The following RIPOR2 variants were observed in gnomAD, a reference collection of about 807,000 sequenced individuals.
RIPOR2 encodes the protein RHO family interacting cell polarization regulator 2.
A neutral mutation model predicts 114.5 loss-of-function variants in RIPOR2; 39 were observed. That is an observed-to-expected ratio of 0.34 (90% confidence interval 0.26 to 0.44). The LOEUF (loss-of-function observed/expected upper bound fraction) is 0.44, where lower values mean the gene tolerates loss of function less well. Among genes scored for constraint, RIPOR2 ranks in the 20% least tolerant of loss-of-function variants. The pLI, the probability that RIPOR2 is intolerant of heterozygous loss-of-function variation, is 1.00. For missense variants in RIPOR2, 1,007 were observed against 1,255.1 expected (o/e 0.80, Z 2.99); for synonymous variants, 445 against 484.4 (o/e 0.92, Z 1.07).
chr6:25,006,831 ACTCTTT>A (rs1487586539), intron 1 of RIPOR2, among the ~76,000 whole-genome samples: 2 of 152,164 alleles, frequency 1.3e-5, no homozygotes, highest in African/African-American at 4.8e-5. Flanking sequence ...GGAAACATGC[ACTCTTT>A]TCAGCTGCCA....
At chr6:24,912,894 T>C (rs764418667) in intron 1 of RIPOR2, among the ~76,000 whole-genome samples, 1 of 152,204 alleles carries the variant, frequency 6.6e-6, no homozygotes, top group Non-Finnish European at 1.5e-5. Context: ...AGGTACTTTA[T>C]AGATATTATC....
chr6:24,924,208 A>G (rs1355983971), intron 1 of RIPOR2, among the ~76,000 whole-genome samples: 1 of 152,112 alleles, frequency 6.6e-6, no homozygotes, highest in Non-Finnish European at 1.5e-5. Context: ...TTTCTTTGGG[A>G]TATGCTCCCT....
chr6:24,920,140 G>C (rs1446461140), intron 1 of RIPOR2, among the ~76,000 whole-genome samples: 1 of 152,222 alleles, frequency 6.6e-6, no homozygotes, highest in Admixed American at 6.5e-5. Context: ...GACTGATGGA[G>C]ACAGATAAAT....
chr6:24,826,846 A>C (rs536163819), intron 18 of RIPOR2, among the ~76,000 whole-genome samples: 9 of 152,302 alleles, frequency 5.9e-5, no homozygotes, highest in African/African-American at 2.2e-4. Context: ...AATGCATTCA[A>C]TTTAAAAAGT....
At chr6:24,941,108 T>C (rs1034774423) in intron 1 of RIPOR2, among the ~76,000 whole-genome samples, 1 of 152,252 alleles carries the variant, frequency 6.6e-6, no homozygotes, top group Non-Finnish European at 1.5e-5. Flanking sequence ...AGGCGCATCA[T>C]TAGGCTGCAG....
intron 1 of RIPOR2, chr6:24,976,278 C>A (rs927716146): frequency 1.6e-6 from 1 of 629,560 alleles, no homozygotes; most frequent in Non-Finnish European, 2.8e-6. Flanking sequence ...TATATTAGAA[C>A]GTATATATGC....
chr6:24,951,096 G>C (rs1365981807), intron 1 of RIPOR2, among the ~76,000 whole-genome samples: 1 of 152,212 alleles, frequency 6.6e-6, no homozygotes, highest in African/African-American at 2.4e-5. Flanking sequence ...AGAGCGATCA[G>C]AGACTTTAGA....
chr6:24,830,067 G>A (rs1760537319), intron 17 of RIPOR2, among the ~76,000 whole-genome samples: 1 of 152,192 alleles, frequency 6.6e-6, no homozygotes, highest in African/African-American at 2.4e-5. Context: ...CCAGGTTCAA[G>A]CGATTCTCCT....
At position 25,036,911 on chromosome 6, in the gene RIPOR2, G is replaced by C. The variant is rs996981372; in HGVS notation, c.76+4940C>G. On this transcript the variant is annotated intron_variant, in intron 1 of 13. Transcript: ENST00000510784. ...TGTGGTGTAAGCCAGCTGAATGTGA[G>C]GGTAGGGTGCCTGGCTGAGGAAGAT... 2.0e-5 allele frequency among the ~76,000 whole-genome samples: 3 copies of C among 152,140 alleles called. No homozygotes were observed. In the East Asian group the frequency reaches 5.8e-4, roughly 29 times the overall value.
Position 24,842,887 on chromosome 6 carries a change from A to G in RIPOR2, c.1832T>C (p.Val611Ala). 6.9e-7 allele frequency: 1 copy of G among 1,446,910 alleles called. No homozygotes were observed. 89.6% of individuals were successfully genotyped at this position (1,446,910 alleles called of 1,614,324 possible). A position where few individuals can be genotyped will look rare whatever the true frequency, so the allele number is the denominator to read the frequency against. The change falls in exon 13 of 22, where the codon GTC (valine) becomes GCC (alanine). Residue 611 changes from valine (V) to alanine (A), a missense_variant. Transcript: ENST00000643898. ...YKEFQDLNQE[V>A]MNLDDILKCK... is the part of the protein sequence containing the mutation. ...TTTTAGAATATCATCCAAATTCATGACTTCTTGGTTCAGATCCTGAAACTC... is the reference window on the plus strand; with the variant it reads ...TTTTAGAATATCATCCAAATTCATGGCTTCTTGGTTCAGATCCTGAAACTC...
intron 1 of RIPOR2, among the ~76,000 whole-genome samples, chr6:24,882,607 T>C (rs982280276): frequency 5.3e-5 from 8 of 152,178 alleles, no homozygotes; most frequent in Non-Finnish European, 1.0e-4. Context: ...AAGGAGGCAG[T>C]GTAGGGAGAA....
intron 1 of RIPOR2, among the ~76,000 whole-genome samples, chr6:24,957,078 T>C (rs1773072062): frequency 2.0e-5 from 3 of 152,368 alleles, no homozygotes; most frequent in Middle Eastern, 3.4e-3. Context: ...TCCTGGATCT[T>C]GAAAATATGA....
intron 19 of RIPOR2, among the ~76,000 whole-genome samples, chr6:24,819,577 G>T (rs954738166): frequency 1.3e-4 from 19 of 148,282 alleles, no homozygotes; most frequent in Admixed American, 4.7e-4. Flanking sequence ...GCAGTGGTGT[G>T]ATCTCGGCTC....
At chr6:25,009,749 G>T (rs6922006) in intron 1 of RIPOR2, among the ~76,000 whole-genome samples, 80,878 of 152,010 alleles carry the variant, frequency 0.53, 22,038 homozygotes, top group Non-Finnish European at 0.57. Flanking sequence ...ACAGATAATA[G>T]AATTCCAGAA....
intron 1 of RIPOR2, among the ~76,000 whole-genome samples, chr6:25,001,439 A>G (rs1020336870): frequency 2.7e-4 from 41 of 152,036 alleles, no homozygotes; most frequent in African/African-American, 8.7e-4. Context: ...CCTGGCCAAC[A>G]TGGTGTAACC....
At chr6:24,930,458 G>A (rs1039364713) in intron 1 of RIPOR2, among the ~76,000 whole-genome samples, 7 of 152,200 alleles carry the variant, frequency 4.6e-5, no homozygotes, top group Non-Finnish European at 7.3e-5. Flanking sequence ...GTTACCCTGA[G>A]GTCACTGGGG....
intron 1 of RIPOR2, among the ~76,000 whole-genome samples, chr6:24,989,950 G>C (rs990851915): frequency 6.6e-5 from 10 of 152,064 alleles, no homozygotes; most frequent in African/African-American, 2.4e-4. Flanking sequence ...AGAATTGCTT[G>C]AACCTGGGAG....
At chr6:24,915,039 G>T (rs1162273921) in intron 1 of RIPOR2, among the ~76,000 whole-genome samples, 2 of 152,108 alleles carry the variant, frequency 1.3e-5, no homozygotes, top group Admixed American at 6.5e-5. Context: ...GGTGAATTTG[G>T]CTTCTATTCT....
intron 1 of RIPOR2, among the ~76,000 whole-genome samples, chr6:24,969,029 T>C (rs893822464): frequency 2.0e-5 from 3 of 152,170 alleles, no homozygotes; most frequent in African/African-American, 7.2e-5. Context: ...CTTCCCATCA[T>C]TAGACAAGCG....
Sources: allele counts gnomAD v4.1 joint callset (sites outside exome capture counted in the v4.1 genomes callset), GRCh38; gene constraint gnomAD v4.1.1; transcripts MANE v1.5; gene names NCBI Gene and HGNC (gene_info 2026-07-23, HGNC 2026-07-21).